PHACTR2: variants seen among roughly 807,000 people sequenced by gnomAD.
The protein encoded by PHACTR2 is chromosome 6 open reading frame 56.
PHACTR2 carries 30 observed loss-of-function variants against 76.0 expected under a neutral mutation model. That is an observed-to-expected ratio of 0.39 (90% CI 0.30 to 0.54). PHACTR2 has a LOEUF of 0.54. Ranked by LOEUF, PHACTR2 falls within the 20% of genes least tolerant of loss-of-function variation. The probability of loss-of-function intolerance (pLI) is 0.61; values close to 1 mark genes in which losing one functional copy is unlikely to be tolerated. For missense variants in PHACTR2, 696 were observed against 781.1 expected (o/e 0.89, Z 1.30); for synonymous variants, 292 against 292.5 (o/e 1.00, Z 0.02).
rs933336844 is a variant in PHACTR2, at chr6:143,818,724, G to A, written c.1923-4950G>A. On this transcript the variant is annotated intron_variant, in intron 12 of 12. Transcript: ENST00000440869. The surrounding 1 kb of genome is among the most constrained non-coding windows in gnomAD (Gnocchi z 4.9). ...GCAGGGAGAAGCCCAATCAGATCTC[G>A]TGAGTACTCACTGTCACGAGAACAG... is the stretch of plus-strand genomic sequence containing the variant. 2.6e-5 allele frequency among the ~76,000 whole-genome samples: 4 copies of A among 152,088 alleles called. No homozygotes were observed. Among genetic ancestry groups the A allele is most frequent in the East Asian group, 1.9e-4 (1 of 5,190 alleles).
chr6:143,714,474 G>T (rs1778256571), intron 2 of PHACTR2, among the ~76,000 whole-genome samples: 1 of 152,178 alleles, frequency 6.6e-6, no homozygotes, highest in Non-Finnish European at 1.5e-5. Flanking sequence ...AGTTAAGAAG[G>T]GTCCCATTCG....
chr6:143,764,059 A>G lies in PHACTR2; in HGVS notation c.695-1202A>G, dbSNP rs1217201612. Among the ~76,000 whole-genome samples, 5 of 152,318 alleles carry G rather than the reference A, an allele frequency of 3.3e-5. No homozygotes were observed. The highest frequency in any genetic ancestry group is 7.4e-5 in the Non-Finnish European group (5 of 68,014). ...AAAGTAGTTAATCTTTTTGTTTTGA[A>G]ACTGTTTTGATTGAGGGTGCCCTAT... On this transcript the variant is annotated intron_variant, in intron 5 of 12. Coordinates refer to ENST00000440869, the MANE Select transcript of PHACTR2 (RefSeq NM_001100164.2). The surrounding 1 kb of genome is among the most constrained non-coding windows in gnomAD (Gnocchi z 4.7).
rs1470380510 is a variant in PHACTR2, at chr6:143,722,959, G to A, written c.214+10776G>A. On this transcript the variant is annotated intron_variant, in intron 2 of 12. Coordinates refer to ENST00000440869, the MANE Select transcript of PHACTR2 (RefSeq NM_001100164.2). This position sits in a 1 kb window ranked among gnomAD's most constrained non-coding sequence, Gnocchi z 4.1. Reference sequence around the variant, plus strand: ...TTTTATTCTTTTTTATGGCTGAATAGTATTCCATTATGGTGGAATAATATT... The same window carrying A: ...TTTTATTCTTTTTTATGGCTGAATAATATTCCATTATGGTGGAATAATATT... Among the ~76,000 whole-genome samples the A allele has an allele frequency of 6.6e-6, 1 of 152,164 alleles. No individual in the cohort carries two copies. Among genetic ancestry groups the A allele is most frequent in the Non-Finnish European group, 1.5e-5 (1 of 68,038 alleles).
At position 143,659,220 on chromosome 6, in the gene PHACTR2, AT is replaced by A. The variant is rs1165142876; in HGVS notation, c.13+50901del. Among the ~76,000 whole-genome samples the A allele has an allele frequency of 6.6e-6, 1 of 152,134 alleles. No individual in the cohort carries two copies. Among genetic ancestry groups the A allele is most frequent in the African/African-American group, 2.4e-5 (1 of 41,428 alleles). On this transcript the variant is annotated intron_variant, in intron 1 of 11. Coordinates refer to the PHACTR2 transcript ENST00000305766. This position sits in a 1 kb window ranked among gnomAD's most constrained non-coding sequence, Gnocchi z 5.0. Reference sequence around the variant, plus strand: ...AGCCTACACTAAATTTATATTTAAAATTTCTTTTCCTAATAATAAATTAACC... The same window carrying A: ...AGCCTACACTAAATTTATATTTAAAATTCTTTTCCTAATAATAAATTAACC...
rs1297415905 is a variant in PHACTR2, at chr6:143,803,701, A to T, written c.1846-3356A>T. On this transcript the variant is annotated intron_variant, in intron 11 of 12. Coordinates refer to ENST00000440869, the MANE Select transcript of PHACTR2 (RefSeq NM_001100164.2). The surrounding 1 kb of genome is among the most constrained non-coding windows in gnomAD (Gnocchi z 4.7). ...AATGATGTTAACATCACACATAGAA[A>T]GGCTGTGTTTTCTAGGATTTGACAT... 2.0e-5 allele frequency among the ~76,000 whole-genome samples: 3 copies of T among 152,320 alleles called. No homozygotes were observed. The highest frequency in any genetic ancestry group is 2.1e-4 in the South Asian group (1 of 4,828).
At chr6:143,718,510 T>C (rs1778353695) in intron 2 of PHACTR2, among the ~76,000 whole-genome samples, 1 of 152,252 alleles carries the variant, frequency 6.6e-6, no homozygotes, top group Non-Finnish European at 1.5e-5. Context: ...CAGAAAGGAC[T>C]GATCACTGAA....
In PHACTR2 at chr6:143,539,890, C is replaced by T. The variant is rs1246871523; in HGVS notation, c.217+2683C>T. 1.3e-5 allele frequency among the ~76,000 whole-genome samples: 2 copies of T among 152,196 alleles called. No individual in the cohort carries two copies. Among genetic ancestry groups the T allele is most frequent in the Non-Finnish European group, 2.9e-5 (2 of 68,032 alleles). On this transcript the variant is annotated intron_variant, in intron 1 of 11. Transcript: ENST00000367584. This position sits in a 1 kb window ranked among gnomAD's most constrained non-coding sequence, Gnocchi z 4.3. ...ATTGCTTGGGGAGTTAACAACGAAG[C>T]AACCTGTGGCTGGGTCGCACACCTA...
chr6:143,738,485 C>T lies in PHACTR2; in HGVS notation c.215-10500C>T, dbSNP rs528669179. 6.6e-6 allele frequency among the ~76,000 whole-genome samples: 1 copy of T among 152,052 alleles called. No individual in the cohort carries two copies. Among genetic ancestry groups the T allele is most frequent in the Non-Finnish European group, 1.5e-5 (1 of 68,014 alleles). ...ATCTTTAAATGAGTTGGGACCAGCA[C>T]AGTGACTCATGCCTGTAATCCTAGC... On this transcript the variant is annotated intron_variant, in intron 2 of 12. Coordinates refer to ENST00000440869, the MANE Select transcript of PHACTR2 (RefSeq NM_001100164.2). The surrounding 1 kb of genome is among the most constrained non-coding windows in gnomAD (Gnocchi z 4.0).
intron 3 of PHACTR2, among the ~76,000 whole-genome samples, chr6:143,752,036 T>C (rs1167770625): frequency 6.6e-6 from 1 of 152,136 alleles, no homozygotes; most frequent in East Asian, 1.9e-4. Flanking sequence ...GTAAGTATTT[T>C]CCACATTGTT....
At chr6:143,725,201 T>C (rs1490140242) in intron 2 of PHACTR2, among the ~76,000 whole-genome samples, 2 of 91,028 alleles carry the variant, frequency 2.2e-5, no homozygotes, top group East Asian at 4.6e-4. Flanking sequence ...GTGCTGTCTT[T>C]TTTTTTTTTT....
Position 143,653,232 on chromosome 6 carries a change from T to A in PHACTR2, c.13+44910T>A, listed in dbSNP as rs1198393189. 6.6e-6 allele frequency among the ~76,000 whole-genome samples: 1 copy of A among 151,970 alleles called. No individual in the cohort carries two copies. Among genetic ancestry groups the A allele is most frequent in the Non-Finnish European group, 1.5e-5 (1 of 67,994 alleles). On this transcript the variant is annotated intron_variant, in intron 1 of 11. Coordinates refer to the PHACTR2 transcript ENST00000305766. The surrounding 1 kb of genome is among the most constrained non-coding windows in gnomAD (Gnocchi z 4.9). ...CATCGAGACTCGAGCTGCTTTGGAG[T>A]TTCCCTCTGGATTTTAGTCAAGCTG... is the stretch of plus-strand genomic sequence containing the variant.
chr6:143,575,526 C>T (rs1053251749), intron 1 of PHACTR2, among the ~76,000 whole-genome samples: 8 of 152,132 alleles, frequency 5.3e-5, no homozygotes, highest in African/African-American at 1.7e-4. Flanking sequence ...TGCTGTTTTA[C>T]CGTGTGGACA....
At chr6:143,544,720 A>G (rs1464317579) in intron 1 of PHACTR2, among the ~76,000 whole-genome samples, 2 of 152,182 alleles carry the variant, frequency 1.3e-5, no homozygotes, top group African/African-American at 2.4e-5. Context: ...TGGAAAGCAT[A>G]TTTTATTTAT....
At position 143,679,088 on chromosome 6, in the gene PHACTR2, T is replaced by C. The variant is rs1301107649; in HGVS notation, c.46+879T>C. Among the ~76,000 whole-genome samples the C allele has an allele frequency of 6.6e-6, 1 of 152,248 alleles. No homozygotes were observed. The highest frequency in any genetic ancestry group is 1.5e-5 in the Non-Finnish European group (1 of 68,040). On this transcript the variant is annotated intron_variant, in intron 1 of 12. Coordinates refer to ENST00000440869, the MANE Select transcript of PHACTR2 (RefSeq NM_001100164.2). The surrounding 1 kb of genome is among the most constrained non-coding windows in gnomAD (Gnocchi z 4.6). ...TTATGTTACTCATTGAGATATTTGATACACTTTTTAAATTGTGCAAACATC... is the reference window on the plus strand; with the variant it reads ...TTATGTTACTCATTGAGATATTTGACACACTTTTTAAATTGTGCAAACATC...
intron 2 of PHACTR2, among the ~76,000 whole-genome samples, chr6:143,720,506 A>G (rs980295948): frequency 6.6e-6 from 1 of 152,206 alleles, no homozygotes; most frequent in Admixed American, 6.5e-5. Flanking sequence ...AATAGCATGC[A>G]CTTTCAGTAA....
chr6:143,545,713 T>C (rs1774982280), intron 1 of PHACTR2, among the ~76,000 whole-genome samples: 1 of 152,094 alleles, frequency 6.6e-6, no homozygotes, highest in Non-Finnish European at 1.5e-5. Flanking sequence ...CTAGTACATA[T>C]CTATCACCCC....
At chr6:143,725,357 T>C (rs9496756) in intron 2 of PHACTR2, among the ~76,000 whole-genome samples, 99,733 of 149,784 alleles carry the variant, frequency 0.67, 34,343 homozygotes, top group African/African-American at 0.84. Flanking sequence ...CCCGCCACCA[T>C]ACCCGGCTAA....
rs1245494875 is a variant in PHACTR2 at position 143,678,136 on chromosome 6, C to T, written c.-28C>T. The T allele has an allele frequency of 1.3e-6, 2 of 1,545,916 alleles. No homozygotes were observed. Among genetic ancestry groups the T allele is most frequent in the Non-Finnish European group, 1.7e-6 (2 of 1,144,922 alleles). The stretch of plus-strand genomic sequence containing the variant: ...CGAAGGACCAAAGGAGCCGCTTGAT[C>T]GCTGGACCTGGCCCTGCGACCCCAG... On this transcript the variant is annotated 5_prime_UTR_variant, in exon 1 of 13. Coordinates refer to ENST00000440869, the MANE Select transcript of PHACTR2 (RefSeq NM_001100164.2). This position sits in a 1 kb window ranked among gnomAD's most constrained non-coding sequence, Gnocchi z 6.2.
At chr6:143,749,235 T>A (rs533345672) in intron 3 of PHACTR2, among the ~76,000 whole-genome samples, 170 bp downstream of exon 3, 1 of 152,288 alleles carries the variant, frequency 6.6e-6, no homozygotes, top group African/African-American at 2.4e-5. Context: ...CTGCAGAGAA[T>A]CTGAAATATT....
Sources: allele counts gnomAD v4.1 joint callset (sites outside exome capture counted in the v4.1 genomes callset), GRCh38; gene constraint gnomAD v4.1.1; non-coding constraint Gnocchi (gnomAD v3.1); transcripts MANE v1.5; gene names NCBI Gene and HGNC (gene_info 2026-07-23, HGNC 2026-07-21).